PBRM1: variants seen among roughly 807,000 people sequenced by gnomAD.
The protein encoded by PBRM1 is protein polybromo-1.
In PBRM1, 27 loss-of-function variants were observed where a neutral mutation model predicts 194.5. The observed-to-expected ratio is 0.14, with a 90% CI of 0.10 to 0.19. The LOEUF (loss-of-function observed/expected upper bound fraction) is 0.19. PBRM1 is among the 10% of genes least tolerant of loss of function. The pLI is 1.00. For synonymous variants in PBRM1, 655 were observed against 693.2 expected (o/e 0.94, Z 0.87); for missense variants, 1,466 against 2,077.2 (o/e 0.71, Z 5.72).
chr3:52,593,514 G>A (rs1350282370), intron 17 of PBRM1, among the ~76,000 whole-genome samples: 1 of 152,176 alleles, frequency 6.6e-6, no homozygotes, highest in Non-Finnish European at 1.5e-5. Context: ...TTGGATTATA[G>A]GCATGAGCCA....
intron 13 of PBRM1, among the ~76,000 whole-genome samples, chr3:52,620,025 T>C (rs1336586000): frequency 6.6e-6 from 1 of 152,166 alleles, no homozygotes; most frequent in African/African-American, 2.4e-5. Flanking sequence ...GTTAGATAAG[T>C]TTGTTAGATG....
chr3:52,685,350 CACTAAGAG>C (rs1222112744), intron 1 of PBRM1: 1 of 152,076 alleles, frequency 6.6e-6, no homozygotes, highest in African/African-American at 2.4e-5. Context: ...GAAAGAAAAT[CACTAAGAG>C]TTTGTGTCGA....
chr3:52,679,141 G>A (rs575135676), intron 1 of PBRM1, among the ~76,000 whole-genome samples: 29 of 152,306 alleles, frequency 1.9e-4, no homozygotes, highest in African/African-American at 6.7e-4. Flanking sequence ...CTCTTCCAGC[G>A]AATTCAGGCC....
rs1270001239 is a variant in PBRM1 at position 52,645,151 on chromosome 3, TTCTG to T, written c.814-366_814-363del. Reference sequence around the variant, plus strand: ...GAACATTGCCAAACCTGGAACACATTTCTGTCTATGTCTTCCATCCACAAATGTA... The same window carrying T: ...GAACATTGCCAAACCTGGAACACATTTCTATGTCTTCCATCCACAAATGTA... On this transcript the variant is annotated intron_variant, in intron 7 of 29. Coordinates refer to ENST00000296302, the Ensembl canonical transcript of PBRM1. 7.2e-5 allele frequency among the ~76,000 whole-genome samples: 11 copies of T among 152,320 alleles called. No homozygotes were observed. The South Asian group carries it at 1.4e-3, about 20-fold the overall frequency.
At position 52,609,215 on chromosome 3, in the gene PBRM1, G is replaced by A. The variant is rs1009531923; in HGVS notation, c.2567+98C>T. On this transcript the variant is annotated intron_variant, in intron 16 of 29. Transcript: ENST00000296302. This position sits in a 1 kb window ranked among gnomAD's most constrained non-coding sequence, Gnocchi z 4.1. ...TAGCATGCTACCAACTACAAATCAT[G>A]TATGTAAGTGGAAATAGTACATCAA... 2.1e-5 allele frequency: 19 copies of A among 919,732 alleles called. No individual in the cohort carries two copies. Among genetic ancestry groups the A allele is most frequent in the African/African-American group, 6.7e-5 (4 of 59,956 alleles). 57.0% of individuals were successfully genotyped at this position (919,732 alleles called of 1,614,324 possible). A position where few individuals can be genotyped will look rare whatever the true frequency, so the allele number is the denominator to read the frequency against.
At chr3:52,545,981 T>C (rs375198570), downstream of PBRM1, 43 of 233,060 alleles carry the variant, frequency 1.8e-4, no homozygotes, top group African/African-American at 9.3e-4. Flanking sequence ...AAAACTTAAT[T>C]AGGGCCTGTC....
At chr3:52,560,307 T>C (rs528690104) in intron 25 of PBRM1, among the ~76,000 whole-genome samples, 1 of 152,350 alleles carries the variant, frequency 6.6e-6, no homozygotes, top group East Asian at 1.9e-4. Flanking sequence ...GCAATATTCA[T>C]GTGAGCTTGA....
intron 18 of PBRM1, among the ~76,000 whole-genome samples, chr3:52,588,758 G>C (rs2092717538): frequency 6.6e-6 from 1 of 151,880 alleles, no homozygotes; most frequent in Admixed American, 6.6e-5. Context: ...GGGTTTCACT[G>C]TGTTAGCCAG....
chr3:52,679,292 C>CT (rs2097163965), intron 1 of PBRM1, among the ~76,000 whole-genome samples: 1 of 152,068 alleles, frequency 6.6e-6, no homozygotes, highest in Non-Finnish European at 1.5e-5. Flanking sequence ...GGCTTGTTTC[C>CT]ACATGGCTAT....
chr3:52,564,382 T>C (rs142076748), intron 22 of PBRM1, 149 bp from the exon 25 acceptor site: 362 of 651,126 alleles, frequency 5.6e-4, no homozygotes, highest in Non-Finnish European at 8.2e-4. Flanking sequence ...GGCTCAAGCC[T>C]GTAATCTCAG....
chr3:52,618,842 C>T (rs1672401770), intron 13 of PBRM1, among the ~76,000 whole-genome samples: 1 of 152,126 alleles, frequency 6.6e-6, no homozygotes, highest in African/African-American at 2.4e-5. Context: ...ACCTTCGCCT[C>T]CTGGGTTCAA....
intron 22 of PBRM1, among the ~76,000 whole-genome samples, chr3:52,567,565 C>CAAAAAAAAAAAAAAAAAGGAAAAA (rs10644120): frequency 1.1e-5 from 1 of 91,710 alleles, no homozygotes; most frequent in Non-Finnish European, 2.2e-5. Flanking sequence ...TAGGTAATCT[C>CAAAAAAAAAAAAAAAAAGGAAAAA]AAAAAAAAAA....
At chr3:52,615,011 T>C (rs1277751910) in intron 15 of PBRM1, among the ~76,000 whole-genome samples, 1 of 152,202 alleles carries the variant, frequency 6.6e-6, no homozygotes, top group Non-Finnish European at 1.5e-5. Flanking sequence ...ATTCTAGTAA[T>C]TGTCAGACAT....
chr3:52,678,483 A>T lies in PBRM1; in HGVS notation c.236+17T>A, dbSNP rs1478903948. ...GACCAAATCCCCCGCAACTGTACTG[A>T]TGTGCTTCGAACTCACCTTCGCTTT... On this transcript the variant is annotated intron_variant, in intron 2 of 29. Coordinates refer to ENST00000296302, the Ensembl canonical transcript of PBRM1. The T allele has an allele frequency of 6.5e-7, 1 of 1,529,226 alleles. No homozygotes were observed. Among genetic ancestry groups the T allele is most frequent in the Non-Finnish European group, 9.1e-7 (1 of 1,102,568 alleles). The allele number at this position is 1,529,226 out of a possible 1,614,324, so 94.7% of individuals were successfully genotyped here.
At chr3:52,605,735 T>G (rs1211140760) in intron 16 of PBRM1, among the ~76,000 whole-genome samples, 6 of 151,672 alleles carry the variant, frequency 4.0e-5, no homozygotes, top group African/African-American at 1.5e-4. Flanking sequence ...CTCAAGTAGC[T>G]GGGATTATAG....
intron 19 of PBRM1, 59 bp from the exon 22 acceptor site, chr3:52,586,747 T>TAA (rs1560100502): frequency 3.9e-4 from 56 of 145,232 alleles, no homozygotes; most frequent in Middle Eastern, 1.7e-3. Context: ...TGAAAATCAA[T>TAA]CAAAAAAAAA....
At chr3:52,626,046 GCCTCCAT>G (rs2153568300) in intron 13 of PBRM1, among the ~76,000 whole-genome samples, 1 of 152,180 alleles carries the variant, frequency 6.6e-6, no homozygotes, top group African/African-American at 2.4e-5. Flanking sequence ...CATCACTTTT[GCCTCCAT>G]TACCTTCTTT....
chr3:52,604,093 C>A (rs912661014), intron 16 of PBRM1, among the ~76,000 whole-genome samples: 1 of 152,236 alleles, frequency 6.6e-6, no homozygotes, highest in Non-Finnish European at 1.5e-5. Flanking sequence ...ATGTTCAACA[C>A]TTACTCGTAT....
intron 6 of PBRM1, among the ~76,000 whole-genome samples, chr3:52,649,339 C>T (rs1047024892): frequency 4.6e-5 from 7 of 152,192 alleles, no homozygotes; most frequent in African/African-American, 1.4e-4. Flanking sequence ...GAAATAACCA[C>T]AGGTCAGCTA....
Sources: allele counts gnomAD v4.1 joint callset (sites outside exome capture counted in the v4.1 genomes callset), GRCh38; gene constraint gnomAD v4.1.1; non-coding constraint Gnocchi (gnomAD v3.1); transcripts MANE v1.5; gene names NCBI Gene and HGNC (gene_info 2026-07-23, HGNC 2026-07-21).